LIN7A: variants seen among roughly 807,000 people sequenced by gnomAD.
LIN7A encodes protein lin-7 homolog A.
In LIN7A, 25 loss-of-function variants were observed where a neutral mutation model predicts 29.8. The observed-to-expected ratio is 0.84, with a 90% CI of 0.61 to 1.17. LIN7A has a LOEUF of 1.17. Ranked by LOEUF, LIN7A falls within the 50% of genes most tolerant of loss-of-function variation. The pLI is 0.00. For synonymous variants in LIN7A, 118 were observed against 107.5 expected, an observed-to-expected ratio of 1.10 and a Z score of -0.60; for missense variants, 239 against 287.0, an observed-to-expected ratio of 0.83 and a Z score of 1.21.
At chr12:80,888,589 C>T (rs530898952) in intron 2 of LIN7A, among the ~76,000 whole-genome samples, 189 of 152,188 alleles carry the variant, frequency 1.2e-3, no homozygotes, top group African/African-American at 3.3e-3. Flanking sequence ...TGGTTCCTGA[C>T]GGGGAAGGAG....
intron 2 of LIN7A, among the ~76,000 whole-genome samples, chr12:80,850,173 A>G (rs960257466): frequency 6.6e-6 from 1 of 152,180 alleles, no homozygotes; most frequent in African/African-American, 2.4e-5. Flanking sequence ...ACTGTGTAGT[A>G]GATAATTTCA....
chr12:80,879,645 C>CCA (rs1555226530), intron 2 of LIN7A, among the ~76,000 whole-genome samples: 14 of 58,740 alleles, frequency 2.4e-4, no homozygotes, highest in East Asian at 6.8e-4. Flanking sequence ...TGGAGCAGCC[C>CCA]AAAAAAAAAA....
At chr12:80,902,423 G>T (rs570405220) in intron 1 of LIN7A, among the ~76,000 whole-genome samples, 2 of 151,844 alleles carry the variant, frequency 1.3e-5, no homozygotes, top group Non-Finnish European at 2.9e-5. Context: ...AGTTTGAGAC[G>T]AATAGAAATG....
intron 4 of LIN7A, among the ~76,000 whole-genome samples, chr12:80,830,765 G>A (rs1460180360): frequency 6.6e-6 from 1 of 152,076 alleles, no homozygotes; most frequent in Admixed American, 6.5e-5. Flanking sequence ...TCGAATGCCA[G>A]TGCCCTTCAA....
intron 2 of LIN7A, among the ~76,000 whole-genome samples, chr12:80,849,138 A>G (rs942986741): frequency 2.6e-5 from 4 of 152,168 alleles, no homozygotes; most frequent in African/African-American, 9.7e-5. Flanking sequence ...TTCAGAATCT[A>G]ACTTTTAGCT....
At chr12:80,924,829 A>C (rs1243615464) in intron 1 of LIN7A, among the ~76,000 whole-genome samples, 1 of 152,252 alleles carries the variant, frequency 6.6e-6, no homozygotes, top group African/African-American at 2.4e-5. Flanking sequence ...GAACATCTAC[A>C]TAAACTCTAA....
intron 1 of LIN7A, among the ~76,000 whole-genome samples, chr12:80,926,678 C>T (rs1299886331): frequency 1.3e-5 from 2 of 151,928 alleles, no homozygotes; most frequent in East Asian, 1.9e-4. Flanking sequence ...TTTGACAATC[C>T]CAGCACTTTG....
chr12:80,881,830 G>C (rs1376676462), intron 2 of LIN7A, among the ~76,000 whole-genome samples: 1 of 152,026 alleles, frequency 6.6e-6, no homozygotes, highest in Non-Finnish European at 1.5e-5. Flanking sequence ...GGTATTTCTA[G>C]TTATCCTTGG....
chr12:80,872,302 C>T (rs1592913171), intron 2 of LIN7A, among the ~76,000 whole-genome samples: 1 of 152,082 alleles, frequency 6.6e-6, no homozygotes, highest in East Asian at 1.9e-4. Context: ...AAAGTCCTCC[C>T]TCAGCTATAA....
intron 4 of LIN7A, among the ~76,000 whole-genome samples, chr12:80,845,295 T>C (rs967871852): frequency 6.6e-6 from 1 of 151,920 alleles, no homozygotes; most frequent in African/African-American, 2.4e-5. Flanking sequence ...GTGTTATTAT[T>C]ACATAAACAT....
At chr12:80,844,409 A>G (rs983898243) in intron 4 of LIN7A, among the ~76,000 whole-genome samples, 1 of 152,222 alleles carries the variant, frequency 6.6e-6, no homozygotes, top group Admixed American at 6.5e-5. Context: ...CAGTCTAAAA[A>G]TAAGAAACAA....
intron 4 of LIN7A, among the ~76,000 whole-genome samples, chr12:80,819,761 A>C (rs1035357617): frequency 2.0e-5 from 3 of 152,176 alleles, no homozygotes; most frequent in Non-Finnish European, 2.9e-5. Context: ...ATGAGCATTA[A>C]ATTTAACATA....
intron 4 of LIN7A, among the ~76,000 whole-genome samples, chr12:80,818,098 G>A (rs1466105865): frequency 1.3e-5 from 2 of 152,120 alleles, no homozygotes; most frequent in Non-Finnish European, 2.9e-5. Context: ...AAAGATAACA[G>A]TGATTATTTT....
At chr12:80,875,152 G>C (rs900650862) in intron 2 of LIN7A, among the ~76,000 whole-genome samples, 1 of 152,156 alleles carries the variant, frequency 6.6e-6, no homozygotes, top group African/African-American at 2.4e-5. Context: ...GCACTAACTA[G>C]GTTGAAAGAC....
chr12:80,864,638 A>T (rs760119249), intron 2 of LIN7A, among the ~76,000 whole-genome samples: 1 of 152,188 alleles, frequency 6.6e-6, no homozygotes, highest in Non-Finnish European at 1.5e-5. Context: ...CCCAGACCTG[A>T]AAATGAACTA....
At chr12:80,926,323 T>A (rs1368688646) in intron 1 of LIN7A, among the ~76,000 whole-genome samples, 1 of 152,224 alleles carries the variant, frequency 6.6e-6, no homozygotes, top group East Asian at 1.9e-4. Flanking sequence ...TTTAGCTTTT[T>A]TTGTTCCTAT....
At chr12:80,806,953 G>A (rs902743359) in intron 5 of LIN7A, among the ~76,000 whole-genome samples, 1 of 151,080 alleles carries the variant, frequency 6.6e-6, no homozygotes, top group Non-Finnish European at 1.5e-5. Context: ...CACTTAAATC[G>A]AACTCTACTA....
At chr12:80,873,806 A>AT (rs1053769845) in intron 2 of LIN7A, among the ~76,000 whole-genome samples, 174 of 142,568 alleles carry the variant, frequency 1.2e-3, no homozygotes, top group African/African-American at 4.0e-3. Context: ...GGTATCTTAT[A>AT]TTTTTTTTAT....
intron 1 of LIN7A, among the ~76,000 whole-genome samples, chr12:80,897,615 G>A (rs982903667): frequency 4.6e-5 from 7 of 152,006 alleles, no homozygotes; most frequent in Non-Finnish European, 8.8e-5. Flanking sequence ...AGAACAGCCT[G>A]GCCAACATGA....
Sources: allele counts gnomAD v4.1 joint callset (sites outside exome capture counted in the v4.1 genomes callset), GRCh38; gene constraint gnomAD v4.1.1; transcripts MANE v1.5; gene names NCBI Gene and HGNC (gene_info 2026-07-23, HGNC 2026-07-21).